ARHGAP1: variants seen among roughly 807,000 people sequenced by gnomAD.
ARHGAP1 encodes Rho GTPase activating protein 1, also known as rho GTPase-activating protein 1.
A neutral mutation model predicts 52.2 loss-of-function variants in ARHGAP1; 23 were observed. The ratio of observed to expected loss-of-function variants is 0.44; its 90% CI spans 0.32 to 0.62. The LOEUF is 0.62. Among genes scored for constraint, ARHGAP1 ranks in the 20% least tolerant of loss-of-function variants. The probability of loss-of-function intolerance (pLI) is 0.05; values close to 1 mark genes in which losing one functional copy is unlikely to be tolerated. For synonymous variants in ARHGAP1, 210 were observed against 228.4 expected (o/e 0.92, Z 0.73); for missense variants, 480 against 560.9 (o/e 0.86, Z 1.46).
chr11:46,695,566 G>T, intron 3 of ARHGAP1, 94 bp downstream of exon 3: 1 of 1,320,624 alleles, frequency 7.6e-7, no homozygotes, highest in Non-Finnish European at 1.1e-6. Context: ...CCAGCGGTCA[G>T]ACTGCAGAGA....
In ARHGAP1 at chr11:46,696,193, T is replaced by A. The variant is rs979263968; in HGVS notation, c.-49-37A>T. On this transcript the variant is annotated intron_variant, in intron 1 of 12. Coordinates refer to ENST00000311956, the MANE Select transcript of ARHGAP1 (RefSeq NM_004308.5). This position sits in a 1 kb window ranked among gnomAD's most constrained non-coding sequence, Gnocchi z 4.8. ...GAAGACAGGTGGCAGGTCAGTGACCTGCTCTTTTCACCTTCTGCGACCTCC... is the reference window on the plus strand; with the variant it reads ...GAAGACAGGTGGCAGGTCAGTGACCAGCTCTTTTCACCTTCTGCGACCTCC... 6.9e-7 allele frequency: 1 copy of A among 1,451,764 alleles called. No individual in the cohort carries two copies. The highest frequency in any genetic ancestry group is 9.3e-7 in the Non-Finnish European group (1 of 1,080,390). 89.9% of individuals were successfully genotyped at this position (1,451,764 alleles called of 1,614,324 possible).
chr11:46,689,461 T>A (rs1415579573), intron 3 of ARHGAP1, among the ~76,000 whole-genome samples: 1 of 152,180 alleles, frequency 6.6e-6, no homozygotes, highest in Non-Finnish European at 1.5e-5. Flanking sequence ...TTTTATGACA[T>A]TATGCACTAA....
rs2064513677 is a variant in ARHGAP1 at position 46,680,194 on chromosome 11, G to A, written c.898+11C>T. ...ACACATATGGCCCTGCAACAGCCCA[G>A]GGCTGCTCACCCATGTTGTACTTCT... On this transcript the variant is annotated intron_variant, in intron 10 of 12. Coordinates refer to ENST00000311956, the MANE Select transcript of ARHGAP1 (RefSeq NM_004308.5). This position sits in a 1 kb window ranked among gnomAD's most constrained non-coding sequence, Gnocchi z 5.9. 6.2e-7 allele frequency: 1 copy of A among 1,613,946 alleles called. No individual in the cohort carries two copies.
chr11:46,687,929 A>C, intron 4 of ARHGAP1: 1 of 495,926 alleles, frequency 2.0e-6, no homozygotes, highest in Non-Finnish European at 3.6e-6. Context: ...CCCTTTTGAA[A>C]GGTGAGGAAA....
chr11:46,689,462 T>C (rs1475402287), intron 3 of ARHGAP1, among the ~76,000 whole-genome samples: 1 of 152,182 alleles, frequency 6.6e-6, no homozygotes, highest in Non-Finnish European at 1.5e-5. Context: ...TTTATGACAT[T>C]ATGCACTAAA....
intron 4 of ARHGAP1, among the ~76,000 whole-genome samples, chr11:46,686,443 G>C (rs1262613336): frequency 6.6e-6 from 1 of 152,052 alleles, no homozygotes; most frequent in Non-Finnish European, 1.5e-5. Context: ...TTTTGAGACG[G>C]AGTCTCGCTC....
rs2134471603 is a variant in ARHGAP1, at chr11:46,677,110, A to AAAG, written c.*1924_*1926dup. On this transcript the variant is annotated 3_prime_UTR_variant, in exon 13 of 13. Transcript: ENST00000311956. The stretch of plus-strand genomic sequence containing the variant: ...CATCAACATTTTTATTGAAATACAA[A>AAAG]AAGTGCAAACGGTGAAATACATGAT... 6.5e-6 allele frequency: 1 copy of AAAG among 152,784 alleles called. No homozygotes were observed. Among genetic ancestry groups the AAAG allele is most frequent in the East Asian group, 1.9e-4 (1 of 5,182 alleles). 9.5% of individuals were successfully genotyped at this position (152,784 alleles called of 1,614,324 possible). A position where few individuals can be genotyped will look rare whatever the true frequency, so the allele number is the denominator to read the frequency against.
intron 4 of ARHGAP1, among the ~76,000 whole-genome samples, chr11:46,684,398 T>A (rs911734902): frequency 4.6e-5 from 7 of 152,200 alleles, no homozygotes; most frequent in African/African-American, 1.7e-4. Flanking sequence ...TAAAAATATG[T>A]CTAGGAGTTT....
chr11:46,683,797 C>T (rs370358294), intron 4 of ARHGAP1, among the ~76,000 whole-genome samples: 3 of 152,178 alleles, frequency 2.0e-5, no homozygotes, highest in Admixed American at 6.5e-5. Context: ...TGTGCCACCA[C>T]GCCCAGCTAA....
In ARHGAP1 at chr11:46,680,448, G is replaced by A. The variant is rs777357005; in HGVS notation, c.820+39C>T. 15 of 1,608,720 alleles carry A rather than the reference G, an allele frequency of 9.3e-6. No individual in the cohort carries two copies. Among genetic ancestry groups the A allele is most frequent in the South Asian group, 2.2e-5 (2 of 90,950 alleles). ...CTTCCCCAGCTTCCTGAAGGGAGCC[G>A]GGAGACCTGGCTGGTGAGGAGGCAG... On this transcript the variant is annotated intron_variant, in intron 9 of 12. Coordinates refer to ENST00000311956, the MANE Select transcript of ARHGAP1 (RefSeq NM_004308.5). The surrounding 1 kb of genome is among the most constrained non-coding windows in gnomAD (Gnocchi z 5.9).
At chr11:46,683,882 C>T (rs1419275332) in intron 4 of ARHGAP1, among the ~76,000 whole-genome samples, 2 of 152,178 alleles carry the variant, frequency 1.3e-5, no homozygotes, top group Admixed American at 6.5e-5. Context: ...TCAGGTGATC[C>T]GCCTGCCTCG....
chr11:46,697,853 GCCTTCAACCCTTCAAC>G (rs917031413), intron 1 of ARHGAP1, among the ~76,000 whole-genome samples: 6 of 152,060 alleles, frequency 3.9e-5, no homozygotes, highest in African/African-American at 1.2e-4. Flanking sequence ...CTCCCCTTCA[GCCTTCAACCCTTCAAC>G]CCTTCAACCC....
intron 4 of ARHGAP1, among the ~76,000 whole-genome samples, chr11:46,685,528 T>C (rs1231042586): frequency 2.0e-5 from 3 of 151,882 alleles, no homozygotes; most frequent in Non-Finnish European, 4.4e-5. Context: ...GGTTTTGCCA[T>C]GTTGGTCAGG....
At chr11:46,695,260 G>T in intron 3 of ARHGAP1, 1 of 353,918 alleles carries the variant, frequency 2.8e-6, no homozygotes, top group African/African-American at 2.1e-5. Context: ...GACTTCCCTA[G>T]GGCTACAATT....
rs1228532376 is a variant in ARHGAP1 at position 46,682,152 on chromosome 11, C to T, written c.348G>A (p.Val116=). The T allele has an allele frequency of 2.5e-6, 4 of 1,614,028 alleles. No homozygotes were observed. The highest frequency in any genetic ancestry group is 3.4e-6 in the Non-Finnish European group (4 of 1,180,020). ...GATACAGAAGTGTGTAGTCACTCTC[C>T]ACGTACTGGTCCAGGGTGTGCTTCA... ...GYLKHTLDQY[V]ESDYTLLYLH... is the part of the protein sequence containing the mutation. Residue 116 remains valine (V), a synonymous_variant, in exon 5 of 13, where the codon GTG becomes GTA. Transcript: ENST00000311956.
chr11:46,691,948 C>T (rs1365813368), intron 3 of ARHGAP1, among the ~76,000 whole-genome samples: 1 of 152,176 alleles, frequency 6.6e-6, no homozygotes. Context: ...TAGTGAGTTT[C>T]CCAAAGCTCA....
intron 3 of ARHGAP1, among the ~76,000 whole-genome samples, chr11:46,694,193 C>G (rs1003603934): frequency 6.6e-6 from 1 of 152,180 alleles, no homozygotes; most frequent in African/African-American, 2.4e-5. Flanking sequence ...CAGACCCTCC[C>G]GCAAGCTCCT....
In ARHGAP1 at chr11:46,680,826, G is replaced by A. The variant is rs2064520093; in HGVS notation, c.636-79C>T. 3.4e-6 allele frequency: 4 copies of A among 1,183,856 alleles called. No individual in the cohort carries two copies. Among genetic ancestry groups the A allele is most frequent in the East Asian group, 2.4e-5 (1 of 42,044 alleles). The allele number at this position is 1,183,856 out of a possible 1,614,324, so 73.3% of individuals were successfully genotyped here. ...GCCAATTCAATCAAGCATTGACCAC[G>A]CGGGGTCAGGAGGATCATCTCATGC... On this transcript the variant is annotated intron_variant, in intron 7 of 12. Coordinates refer to ENST00000311956, the MANE Select transcript of ARHGAP1 (RefSeq NM_004308.5). This position sits in a 1 kb window ranked among gnomAD's most constrained non-coding sequence, Gnocchi z 5.9.
At chr11:46,692,944 C>A (rs548778174) in intron 3 of ARHGAP1, among the ~76,000 whole-genome samples, 1 of 152,044 alleles carries the variant, frequency 6.6e-6, no homozygotes, top group Admixed American at 6.6e-5. Flanking sequence ...GCTCCGCCTC[C>A]CGGGTTCACG....
Sources: allele counts gnomAD v4.1 joint callset (sites outside exome capture counted in the v4.1 genomes callset), GRCh38; gene constraint gnomAD v4.1.1; non-coding constraint Gnocchi (gnomAD v3.1); transcripts MANE v1.5; gene names NCBI Gene and HGNC (gene_info 2026-07-23, HGNC 2026-07-21).